Variants in RELN observed in about 807,000 individuals in gnomAD.
The protein encoded by RELN is reelin.
A neutral mutation model predicts 427.6 loss-of-function variants in RELN; 108 were observed. That is an observed-to-expected ratio of 0.25 (90% CI 0.22 to 0.30). The LOEUF is 0.30. Ranked by LOEUF, RELN falls within the 10% of genes least tolerant of loss-of-function variation. The probability of loss-of-function intolerance (pLI) is 1.00; values close to 1 mark genes in which losing one functional copy is unlikely to be tolerated. For missense variants in RELN, 3,715 were observed against 4,302.8 expected (o/e 0.86, Z 3.82); for synonymous variants, 1,524 against 1,513.4 (o/e 1.01, Z -0.16).
chr7:103,592,475 G>C (rs1017816013), intron 27 of RELN, among the ~76,000 whole-genome samples: 9 of 152,096 alleles, frequency 5.9e-5, no homozygotes, highest in Non-Finnish European at 7.4e-5. Flanking sequence ...AGTGTCAGTA[G>C]TGGTTTGATG....
chr7:103,632,268 A>C (rs575883484), intron 19 of RELN, among the ~76,000 whole-genome samples: 5 of 152,352 alleles, frequency 3.3e-5, no homozygotes, highest in Admixed American at 1.3e-4. Context: ...CTGTGAAATT[A>C]GAATAATGCT....
chr7:103,616,171 AT>A (rs1488368400), intron 20 of RELN, among the ~76,000 whole-genome samples: 3 of 152,210 alleles, frequency 2.0e-5, no homozygotes, highest in Non-Finnish European at 4.4e-5. Context: ...TTTCTTAGAA[AT>A]CTAAGCAACA....
chr7:103,531,293 A>G (rs1184687232), intron 46 of RELN, among the ~76,000 whole-genome samples: 5 of 152,196 alleles, frequency 3.3e-5, no homozygotes, highest in Non-Finnish European at 7.3e-5. Flanking sequence ...CCACTCTACT[A>G]CAATGCTTTT....
chr7:103,565,572 A>G (rs775017355), intron 33 of RELN, 21 bp from the exon 34 acceptor site: 4 of 1,607,936 alleles, frequency 2.5e-6, no homozygotes, highest in Non-Finnish European at 3.4e-6. Flanking sequence ...AAAATGTGTA[A>G]TGGTAGCATA....
At chr7:103,985,081 T>C (rs1268097519) in intron 1 of RELN, among the ~76,000 whole-genome samples, 2 of 152,246 alleles carry the variant, frequency 1.3e-5, no homozygotes, top group East Asian at 3.8e-4. Flanking sequence ...ATCCTGATTA[T>C]ACCTTTCTTT....
At chr7:103,582,734 A>G (rs1831181852) in intron 28 of RELN, among the ~76,000 whole-genome samples, 1 of 152,206 alleles carries the variant, frequency 6.6e-6, no homozygotes, top group African/African-American at 2.4e-5. Context: ...AAATTAGGTG[A>G]AAGATGCCAC....
chr7:103,850,304 C>A (rs984356873), intron 2 of RELN, among the ~76,000 whole-genome samples: 2 of 152,228 alleles, frequency 1.3e-5, no homozygotes, highest in African/African-American at 4.8e-5. Flanking sequence ...GGGAGACCCT[C>A]CTCTCCCTAA....
chr7:103,723,505 C>T (rs1196412826), intron 7 of RELN, among the ~76,000 whole-genome samples: 1 of 152,164 alleles, frequency 6.6e-6, no homozygotes, highest in African/African-American at 2.4e-5. Flanking sequence ...AACAAAGCTC[C>T]TCTCCACTCA....
intron 1 of RELN, among the ~76,000 whole-genome samples, chr7:103,921,842 TCTTAC>T (rs58062233): frequency 0.15 from 22,645 of 151,952 alleles, 3,744 homozygotes; most frequent in African/African-American, 0.4. Context: ...TGGCCTCTGC[TCTTAC>T]CTAGAATGAC....
chr7:103,904,477 G>C (rs1584351607), intron 2 of RELN, among the ~76,000 whole-genome samples: 2 of 152,264 alleles, frequency 1.3e-5, no homozygotes, highest in South Asian at 4.1e-4. Context: ...CACCAACAGT[G>C]TAAAAGCATT....
At chr7:103,808,550 G>GAA (rs565407741) in intron 3 of RELN, among the ~76,000 whole-genome samples, 1 of 146,556 alleles carries the variant, frequency 6.8e-6, no homozygotes, top group Non-Finnish European at 1.5e-5. Flanking sequence ...AAACAGCAAG[G>GAA]AAAAAAAAAT....
Position 103,519,453 on chromosome 7 carries a change from A to G in RELN, c.7732T>C (p.Tyr2578His). Residue 2578 changes from tyrosine (Y) to histidine (H), a missense_variant, in exon 49 of 65, where the codon TAC (tyrosine) becomes CAC (histidine). Transcript: ENST00000428762. Reference protein sequence around the residue: ...NLTNAEFIQFYFMYGCLITPN... With the variant: ...NLTNAEFIQFHFMYGCLITPN... ...GTAATCAGGCACCCATACATGAAGT[A>G]AAATTGGATGAACTCAGCATTAGTG... The G allele has an allele frequency of 6.2e-7, 1 of 1,613,752 alleles. No individual in the cohort carries two copies. Among genetic ancestry groups the G allele is most frequent in the South Asian group, 1.1e-5 (1 of 91,070 alleles).
At position 103,989,262 on chromosome 7, in the gene RELN, C is replaced by A; in HGVS notation, c.95G>T (p.Arg32Leu). 6.2e-7 allele frequency: 1 copy of A among 1,613,768 alleles called. No homozygotes were observed. ...RARAAAGYYP[R>L]FSPFFFLCTH... ...GCACAGGAAAAAGAAGGGCGAAAAG[C>A]GGGGGTAATAGCCAGCCGCCGCGCG... is the stretch of plus-strand genomic sequence containing the variant. The change falls in exon 1 of 65, where the codon CGC becomes CTC. Residue 32 changes from arginine (R) to leucine (L), a missense_variant. This residue lies in a region of RELN where 2,208 missense variants were observed against 2,361.7 expected (regional missense o/e 0.93). Coordinates refer to ENST00000428762, the MANE Select transcript of RELN (RefSeq NM_005045.4). This position sits in a 1 kb window ranked among gnomAD's most constrained non-coding sequence, Gnocchi z 4.9.
intron 6 of RELN, among the ~76,000 whole-genome samples, chr7:103,748,817 C>T (rs902141755): frequency 6.6e-6 from 1 of 152,072 alleles, no homozygotes; most frequent in East Asian, 1.9e-4. Context: ...GATATTGTTC[C>T]AAATTATGCA....
At chr7:103,549,458 T>G (rs1476333186) in intron 41 of RELN, among the ~76,000 whole-genome samples, 2 of 152,176 alleles carry the variant, frequency 1.3e-5, no homozygotes, top group African/African-American at 4.8e-5. Flanking sequence ...GGGAATGAAT[T>G]GAGACATGTG....
intron 4 of RELN, among the ~76,000 whole-genome samples, chr7:103,774,632 T>C (rs948181144): frequency 1.3e-5 from 2 of 152,216 alleles, no homozygotes; most frequent in African/African-American, 4.8e-5. Flanking sequence ...GATTACATGA[T>C]AAAATGTTAT....
chr7:103,553,939 T>A, intron 38 of RELN, 108 bp from the exon 39 acceptor site: 1 of 878,512 alleles, frequency 1.1e-6, no homozygotes, highest in Non-Finnish European at 1.9e-6. Flanking sequence ...AACAATAGGT[T>A]AAACATATGC....
intron 2 of RELN, among the ~76,000 whole-genome samples, chr7:103,882,611 C>G (rs1406298888): frequency 2.0e-5 from 3 of 152,018 alleles, no homozygotes; most frequent in Non-Finnish European, 4.4e-5. Flanking sequence ...AAGGAGAGAT[C>G]ACCACTGATC....
intron 11 of RELN, among the ~76,000 whole-genome samples, chr7:103,665,142 G>A (rs1196260747): frequency 6.6e-6 from 1 of 152,006 alleles, no homozygotes; most frequent in African/African-American, 2.4e-5. Flanking sequence ...GATCCAATAT[G>A]GTTTTTTCTA....
Sources: allele counts gnomAD v4.1 joint callset (sites outside exome capture counted in the v4.1 genomes callset), GRCh38; gene constraint gnomAD v4.1.1; regional missense constraint gnomAD v4.1.1; non-coding constraint Gnocchi (gnomAD v3.1); transcripts MANE v1.5; gene names NCBI Gene and HGNC (gene_info 2026-07-23, HGNC 2026-07-21).